Variants in EXOSC1 observed in about 807,000 individuals in gnomAD.
EXOSC1 encodes the protein exosome complex component CSL4.
Under a neutral mutation model 31.4 loss-of-function variants are expected in EXOSC1, and 27 were observed. That is an observed-to-expected ratio of 0.86 (90% confidence interval 0.63 to 1.18). The LOEUF is 1.18. Ranked by LOEUF, EXOSC1 falls within the 50% of genes most tolerant of loss-of-function variation. EXOSC1 has a pLI of 0.00. For missense variants in EXOSC1, 228 were observed against 250.3 expected (o/e 0.91, Z 0.60); for synonymous variants, 84 against 89.5 (o/e 0.94, Z 0.35).
rs200086623 is a variant in EXOSC1 at position 97,436,411 on chromosome 10, G to T, written c.*34C>A. On this transcript the variant is annotated 3_prime_UTR_variant, in exon 8 of 8. Transcript: ENST00000370902. ...CATCTTGGTGTTATACTCAGGAACA[G>T]CTTACCCCCTTCCATAGGGTAAAAA... 4,225 of 1,489,128 alleles carry T rather than the reference G, an allele frequency of 2.8e-3. 10 individuals carry two copies. Among genetic ancestry groups the T allele is most frequent in the Middle Eastern group, 9.3e-3 (54 of 5,794 alleles). The allele number at this position is 1,489,128 out of a possible 1,614,324, so 92.2% of individuals were successfully genotyped here. A position where few individuals can be genotyped will look rare whatever the true frequency, so the allele number is the denominator to read the frequency against.
chr10:97,439,432 G>C (rs1845646118), intron 4 of EXOSC1, among the ~76,000 whole-genome samples: 1 of 152,138 alleles, frequency 6.6e-6, no homozygotes. Context: ...GTGGGCATTA[G>C]ATTCTCATAG....
rs1845525475 is a variant in EXOSC1, at chr10:97,436,096, ACCATTTAGATGTCTTTCTCTG to A, written c.*328_*348del. 25 of 275,040 alleles carry A rather than the reference ACCATTTAGATGTCTTTCTCTG, an allele frequency of 9.1e-5. No homozygotes were observed. Among genetic ancestry groups the A allele is most frequent in the South Asian group, 8.0e-4 (24 of 29,898 alleles). The allele number at this position is 275,040 out of a possible 1,614,324, so 17.0% of individuals were successfully genotyped here. A position where few individuals can be genotyped will look rare whatever the true frequency, so the allele number is the denominator to read the frequency against. ...AGCAGAAGTACTGAAATGTCCTGACACCATTTAGATGTCTTTCTCTGCTTAAGACAACAGACTCTATAACAT... is the reference window on the plus strand; with the variant it reads ...AGCAGAAGTACTGAAATGTCCTGACACTTAAGACAACAGACTCTATAACAT... On this transcript the variant is annotated 3_prime_UTR_variant, in exon 8 of 8. Coordinates refer to ENST00000370902, the MANE Select transcript of EXOSC1 (RefSeq NM_016046.5).
rs1409251710 is a variant in EXOSC1, at chr10:97,439,994, C to T, written c.311+1177G>A. 1.9e-4 allele frequency among the ~76,000 whole-genome samples: 26 copies of T among 134,090 alleles called. No homozygotes were observed. The South Asian group carries it at 5.1e-3, about 26-fold the overall frequency. 88.0% of individuals were successfully genotyped at this position (134,090 alleles called of 152,430 possible). A position where few individuals can be genotyped will look rare whatever the true frequency, so the allele number is the denominator to read the frequency against. On this transcript the variant is annotated intron_variant, in intron 4 of 7. Coordinates refer to ENST00000370902, the MANE Select transcript of EXOSC1 (RefSeq NM_016046.5). Reference sequence around the variant, plus strand: ...ACTTTTTTTTTTTTTTTTTTTGAGACGGAGTTTCACTCTTGTTGCCCAGGC... The same window carrying T: ...ACTTTTTTTTTTTTTTTTTTTGAGATGGAGTTTCACTCTTGTTGCCCAGGC...
At position 97,443,318 on chromosome 10, in the gene EXOSC1, A is replaced by C; in HGVS notation, c.148-7T>G. The C allele has an allele frequency of 6.2e-7, 1 of 1,612,888 alleles. No individual in the cohort carries two copies. Among genetic ancestry groups the C allele is most frequent in the South Asian group, 1.1e-5 (1 of 90,896 alleles). Reference sequence around the variant, plus strand: ...CTACAGACACCACTGGAAGCTACAGAGGGAACAACAAAAAACTGAAATGTC... The same window carrying C: ...CTACAGACACCACTGGAAGCTACAGCGGGAACAACAAAAAACTGAAATGTC... On this transcript the variant is annotated splice_region_variant and splice_polypyrimidine_tract_variant and intron_variant, in intron 2 of 7. Transcript: ENST00000370902.
At position 97,437,290 on chromosome 10, in the gene EXOSC1, C is replaced by T. The variant is rs1161687699; in HGVS notation, c.397-15G>A. The stretch of plus-strand genomic sequence containing the variant: ...CCTAAGGAGATCTAGTCACATAACA[C>T]CGGTGAAGGAAAATGAGGAGTTAGA... On this transcript the variant is annotated splice_polypyrimidine_tract_variant and intron_variant, in intron 6 of 7. Coordinates refer to ENST00000370902, the MANE Select transcript of EXOSC1 (RefSeq NM_016046.5). The T allele has an allele frequency of 2.5e-6, 4 of 1,604,834 alleles. No homozygotes were observed. In the African/African-American group the frequency reaches 5.4e-5, roughly 22 times the overall value.
intron 3 of EXOSC1, among the ~76,000 whole-genome samples, chr10:97,442,608 A>G (rs1419721359): frequency 2.0e-5 from 3 of 152,278 alleles, no homozygotes; most frequent in Non-Finnish European, 1.5e-5. Context: ...CCCTGGGCCC[A>G]AGCGATCTTC....
At chr10:97,443,444 AG>A in intron 2 of EXOSC1, 133 bp from the exon 3 acceptor site, 2 of 742,694 alleles carry the variant, frequency 2.7e-6, no homozygotes, top group South Asian at 3.7e-5. Flanking sequence ...TATAGCCCAG[AG>A]CAGAAGGCCT....
chr10:97,443,160 G>A, intron 3 of EXOSC1, 77 bp downstream of exon 3: 1 of 1,210,610 alleles, frequency 8.3e-7, no homozygotes, highest in Non-Finnish European at 1.2e-6. Flanking sequence ...CTATCATACT[G>A]GACACTGCAG....
Position 97,436,237 on chromosome 10 carries a change from T to C in EXOSC1, c.*208A>G, listed in dbSNP as rs2133137834. 2.2e-6 allele frequency: 1 copy of C among 461,336 alleles called. No homozygotes were observed. The highest frequency in any genetic ancestry group is 4.4e-5 in the Admixed American group (1 of 22,940). 28.6% of individuals were successfully genotyped at this position (461,336 alleles called of 1,614,324 possible). A position where few individuals can be genotyped will look rare whatever the true frequency, so the allele number is the denominator to read the frequency against. On this transcript the variant is annotated 3_prime_UTR_variant, in exon 8 of 8. Transcript: ENST00000370902. ...ATTTCCAATATCACAGTTTTGTTTG[T>C]TGGTGCCTTGAAAAGATAAGATTTA... is the stretch of plus-strand genomic sequence containing the variant.
chr10:97,437,292 G>A lies in EXOSC1; in HGVS notation c.397-17C>T, dbSNP rs111826501. ...TAAGGAGATCTAGTCACATAACACC[G>A]GTGAAGGAAAATGAGGAGTTAGAAG... On this transcript the variant is annotated splice_polypyrimidine_tract_variant and intron_variant, in intron 6 of 7. Transcript: ENST00000370902. 8,924 of 1,600,494 alleles carry A rather than the reference G, an allele frequency of 5.6e-3. 38 individuals carry two copies. Among genetic ancestry groups the A allele is most frequent in the Non-Finnish European group, 6.8e-3 (7,923 of 1,169,106 alleles).
In EXOSC1 at chr10:97,445,974, A is replaced by C. The variant is rs4919098; in HGVS notation, c.12T>G (p.Pro4=). The C allele has an allele frequency of 1.9e-6, 3 of 1,614,040 alleles. No individual in the cohort carries two copies. Among genetic ancestry groups the C allele is most frequent in the South Asian group, 1.1e-5 (1 of 91,090 alleles). The change falls in exon 1 of 8, where the codon CCT becomes CCG. Residue 4 remains proline (P), a synonymous_variant. Transcript: ENST00000370902. Reference sequence around the variant, plus strand: ...ACTTACCGGGGATGCAGTATCTCACAGGTGGCGCCATGATTGCCGCTGTCC... The same window carrying C: ...ACTTACCGGGGATGCAGTATCTCACCGGTGGCGCCATGATTGCCGCTGTCC... MAP[P]VRYCIPGERL...
chr10:97,445,596 G>A, intron 2 of EXOSC1, 136 bp downstream of exon 2: 1 of 750,082 alleles, frequency 1.3e-6, no homozygotes, highest in Non-Finnish European at 2.1e-6. Context: ...CGGCGATACG[G>A]CTAGAAGAAA....
chr10:97,436,180 G>A lies in EXOSC1; in HGVS notation c.*265C>T. Reference sequence around the variant, plus strand: ...AAAGTTTTATCATAGCAAAAAATATGTATTTATAAGGACTGTCAGGAGGGA... The same window carrying A: ...AAAGTTTTATCATAGCAAAAAATATATATTTATAAGGACTGTCAGGAGGGA... On this transcript the variant is annotated 3_prime_UTR_variant, in exon 8 of 8. Coordinates refer to ENST00000370902, the MANE Select transcript of EXOSC1 (RefSeq NM_016046.5). The A allele has an allele frequency of 2.9e-6, 1 of 342,690 alleles. No homozygotes were observed. Among genetic ancestry groups the A allele is most frequent in the Non-Finnish European group, 5.3e-6 (1 of 187,200 alleles). 21.2% of individuals were successfully genotyped at this position (342,690 alleles called of 1,614,324 possible). A position where few individuals can be genotyped will look rare whatever the true frequency, so the allele number is the denominator to read the frequency against.
In EXOSC1 at chr10:97,437,271, G is replaced by A. The variant is rs1845568671; in HGVS notation, c.401C>T (p.Ser134Phe). 8.1e-6 allele frequency: 13 copies of A among 1,613,648 alleles called. No individual in the cohort carries two copies. The highest frequency in any genetic ancestry group is 1.3e-5 in the African/African-American group (1 of 74,866). The change falls in exon 7 of 8, where the codon TCC (serine) becomes TTC (phenylalanine). Residue 134 changes from serine (S) to phenylalanine (F), a missense_variant. Physicochemically the swap from Ser to Phe is radical, Grantham distance 155 (BLOSUM62 -2). Coordinates refer to ENST00000370902, the MANE Select transcript of EXOSC1 (RefSeq NM_016046.5). ...GTAGTTGGACTGTGCATCACCTAAGGAGATCTAGTCACATAACACCGGTGA... is the reference window on the plus strand; with the variant it reads ...GTAGTTGGACTGTGCATCACCTAAGAAGATCTAGTCACATAACACCGGTGA... ...PGDIVLAKVI[S>F]LGDAQSNYLL...
At position 97,436,170 on chromosome 10, in the gene EXOSC1, C is replaced by G. The variant is rs1392324372; in HGVS notation, c.*275G>C. The G allele has an allele frequency of 6.1e-6, 2 of 328,224 alleles. No individual in the cohort carries two copies. The highest frequency in any genetic ancestry group is 1.1e-5 in the Non-Finnish European group (2 of 177,630). 20.3% of individuals were successfully genotyped at this position (328,224 alleles called of 1,614,324 possible). On this transcript the variant is annotated 3_prime_UTR_variant, in exon 8 of 8. Coordinates refer to ENST00000370902, the MANE Select transcript of EXOSC1 (RefSeq NM_016046.5). ...TTTTAGTAAAAAAGTTTTATCATAG[C>G]AAAAAATATGTATTTATAAGGACTG...
intron 3 of EXOSC1, 70 bp downstream of exon 3, chr10:97,443,167 G>A (rs945322077): frequency 3.1e-6 from 4 of 1,290,132 alleles, no homozygotes; most frequent in Admixed American, 1.8e-5. Flanking sequence ...ACTGGACACT[G>A]CAGTTCTGGT....
At chr10:97,441,756 C>T (rs1482514395) in intron 3 of EXOSC1, among the ~76,000 whole-genome samples, 1 of 147,016 alleles carries the variant, frequency 6.8e-6, no homozygotes, top group Non-Finnish European at 1.5e-5. Context: ...TCCCAAAGTG[C>T]TGGGATTACA....
At chr10:97,441,946 G>T (rs1845732756) in intron 3 of EXOSC1, among the ~76,000 whole-genome samples, 1 of 150,774 alleles carries the variant, frequency 6.6e-6, no homozygotes, top group African/African-American at 2.4e-5. Flanking sequence ...GGAGGCTGAG[G>T]TGGGCGCATC....
At chr10:97,444,171 A>G (rs1845803565) in intron 2 of EXOSC1, 1 of 152,196 alleles carries the variant, frequency 6.6e-6, no homozygotes. Context: ...AATTTCCACA[A>G]AAATGTTACA....
Sources: gnomAD v4.1 joint callset for allele counts (sites outside exome capture counted in the v4.1 genomes callset) on GRCh38, gnomAD v4.1.1 for gene constraint, MANE v1.5 for transcripts, NCBI Gene and HGNC (gene_info 2026-07-23, HGNC 2026-07-21) for gene names.